The following SLC35F4 variants were observed in gnomAD, a reference collection of about 807,000 sequenced individuals.
SLC35F4 encodes the protein solute carrier family 35 member F4.
SLC35F4 carries 24 observed loss-of-function variants against 44.2 expected under a neutral mutation model. That is an observed-to-expected ratio of 0.54 (90% CI 0.39 to 0.76). The LOEUF is 0.76. SLC35F4 is among the 30% of genes least tolerant of loss of function. The pLI, the probability that SLC35F4 is intolerant of heterozygous loss-of-function variation, is 0.00. For synonymous variants in SLC35F4, 238 were observed against 223.6 expected (o/e 1.06, Z -0.57); for missense variants, 562 against 586.1 (o/e 0.96, Z 0.42).
At chr14:57,874,585 G>A (rs972091791) in intron 1 of SLC35F4, among the ~76,000 whole-genome samples, 1 of 152,162 alleles carries the variant, frequency 6.6e-6, no homozygotes, top group Non-Finnish European at 1.5e-5. Flanking sequence ...ATGGTTCAGA[G>A]GCCCCTCGAT....
intron 1 of SLC35F4, among the ~76,000 whole-genome samples, chr14:57,691,828 C>CTTA (rs10685937): frequency 0.15 from 22,543 of 152,016 alleles, 1,879 homozygotes; most frequent in East Asian, 0.29. Flanking sequence ...ATGTGACAGA[C>CTTA]TTAGATGAAC....
intron 1 of SLC35F4, among the ~76,000 whole-genome samples, chr14:57,813,230 G>A (rs1056372804): frequency 1.3e-5 from 2 of 152,108 alleles, no homozygotes; most frequent in African/African-American, 4.8e-5. Flanking sequence ...CGCCCTACTG[G>A]GGCACTCTGC....
At chr14:57,755,430 T>C (rs998829575) in intron 1 of SLC35F4, among the ~76,000 whole-genome samples, 24 of 152,212 alleles carry the variant, frequency 1.6e-4, no homozygotes, top group African/African-American at 5.8e-4. Flanking sequence ...AATGATGGTC[T>C]AATCAGTTCA....
At position 57,581,256 on chromosome 14, in the gene SLC35F4, CA is replaced by C; in HGVS notation, c.764del (p.Leu255CysfsTer7). 6.2e-7 allele frequency: 1 copy of C among 1,606,626 alleles called. No homozygotes were observed. The highest frequency in any genetic ancestry group is 8.5e-7 in the Non-Finnish European group (1 of 1,176,910). On this transcript the variant is annotated frameshift_variant, in exon 4 of 8. Coordinates refer to ENST00000556826, the MANE Select transcript of SLC35F4 (RefSeq NM_001306087.2). LOFTEE classifies it high-confidence loss of function. ...LFCCNKAFVF[L>X]LSWIVLKDRF... ...TGTCTTTCAGCACAATCCATGACAG[CA>C]AGAAGACAAAGGCTTTGTTACAACA...
chr14:57,582,139 A>G lies in SLC35F4; in HGVS notation c.588-706T>C, dbSNP rs937696438. ...AATCTTCGGTTTGTTTGATTTTTCA[A>G]GGAAGTTGGCTACATTTAGCCCCAG... On this transcript the variant is annotated intron_variant, in intron 3 of 7. Coordinates refer to ENST00000556826, the MANE Select transcript of SLC35F4 (RefSeq NM_001306087.2). Among the ~76,000 whole-genome samples, 44 of 152,294 alleles carry G rather than the reference A, an allele frequency of 2.9e-4. No homozygotes were observed. The East Asian group carries it at 7.7e-3, about 27-fold the overall frequency.
intron 1 of SLC35F4, among the ~76,000 whole-genome samples, chr14:57,843,312 G>C (rs987881922): frequency 1.3e-5 from 2 of 152,078 alleles, no homozygotes; most frequent in East Asian, 1.9e-4. Flanking sequence ...GTTTGTATCT[G>C]TTTCCTGCCA....
chr14:57,917,849 T>C (rs767874750), intron 1 of SLC35F4, among the ~76,000 whole-genome samples: 42 of 152,156 alleles, frequency 2.8e-4, no homozygotes, highest in Non-Finnish European at 4.9e-4. Context: ...GACTAGGCCT[T>C]AATCTGTTAG....
chr14:57,829,527 AG>A (rs1389520324), intron 1 of SLC35F4, among the ~76,000 whole-genome samples: 1 of 152,212 alleles, frequency 6.6e-6, no homozygotes, highest in African/African-American at 2.4e-5. Flanking sequence ...TGTGACCAAG[AG>A]GGCAGGCCAA....
At chr14:57,599,848 G>C (rs1447251532) in intron 1 of SLC35F4, among the ~76,000 whole-genome samples, 5 of 151,434 alleles carry the variant, frequency 3.3e-5, no homozygotes, top group Non-Finnish European at 5.9e-5. Context: ...GGAGAGGGAG[G>C]AGAGGGTTGC....
chr14:57,819,957 G>A (rs1882995805), intron 1 of SLC35F4, among the ~76,000 whole-genome samples: 1 of 152,088 alleles, frequency 6.6e-6, no homozygotes, highest in Admixed American at 6.6e-5. Context: ...TTCCAAAATA[G>A]ACCCACACCT....
intron 1 of SLC35F4, among the ~76,000 whole-genome samples, chr14:57,717,561 G>A (rs1177784661): frequency 6.6e-6 from 1 of 152,170 alleles, no homozygotes; most frequent in Non-Finnish European, 1.5e-5. Flanking sequence ...GCATGAACCT[G>A]GGAGACGGAG....
intron 4 of SLC35F4, 78 bp downstream of exon 4, chr14:57,581,136 C>A: frequency 7.2e-7 from 1 of 1,387,416 alleles, no homozygotes; most frequent in Non-Finnish European, 9.5e-7. Context: ...CTCCACGAAA[C>A]AAAGCAGACA....
intron 1 of SLC35F4, among the ~76,000 whole-genome samples, chr14:57,654,931 G>A (rs1321384448): frequency 6.6e-6 from 1 of 152,184 alleles, no homozygotes; most frequent in Non-Finnish European, 1.5e-5. Context: ...AAGGTACGCT[G>A]ACGAAGCCCG....
At chr14:57,895,759 A>C (rs535197114) in intron 1 of SLC35F4, among the ~76,000 whole-genome samples, 1 of 150,414 alleles carries the variant, frequency 6.6e-6, no homozygotes, top group Admixed American at 6.6e-5. Flanking sequence ...TTTTATTCAT[A>C]AATTACCCAG....
intron 1 of SLC35F4, among the ~76,000 whole-genome samples, chr14:57,788,888 A>C (rs1398882570): frequency 6.6e-6 from 1 of 152,078 alleles, no homozygotes; most frequent in Non-Finnish European, 1.5e-5. Context: ...CATGAAAACT[A>C]AACAACCTGC....
At chr14:57,620,992 C>T (rs2072145765) in intron 1 of SLC35F4, among the ~76,000 whole-genome samples, 1 of 151,670 alleles carries the variant, frequency 6.6e-6, no homozygotes, top group South Asian at 2.1e-4. Context: ...AATCAAGGTA[C>T]AAAAATCACA....
At chr14:57,778,449 C>T (rs775773957) in intron 1 of SLC35F4, among the ~76,000 whole-genome samples, 94 of 151,800 alleles carry the variant, frequency 6.2e-4, no homozygotes, top group African/African-American at 1.7e-3. Context: ...AATATATATG[C>T]GCCCAACACA....
At chr14:57,822,418 T>C (rs1883268019) in intron 1 of SLC35F4, among the ~76,000 whole-genome samples, 1 of 152,072 alleles carries the variant, frequency 6.6e-6, no homozygotes, top group African/African-American at 2.4e-5. Flanking sequence ...ACTGCAGGGG[T>C]AAGGAATTAG....
intron 1 of SLC35F4, among the ~76,000 whole-genome samples, chr14:57,933,055 T>TTTA (rs1889729850): frequency 6.6e-6 from 1 of 151,614 alleles, no homozygotes; most frequent in Non-Finnish European, 1.5e-5. Context: ...TTTTTTTTTT[T>TTTA]TTAAGAGTCT....
Sources: allele counts gnomAD v4.1 joint callset (sites outside exome capture counted in the v4.1 genomes callset), GRCh38; gene constraint gnomAD v4.1.1; transcripts MANE v1.5; gene names NCBI Gene and HGNC (gene_info 2026-07-23, HGNC 2026-07-21).